Variants in DTWD2 observed in about 807,000 individuals in gnomAD.
The protein encoded by DTWD2 is tRNA-uridine aminocarboxypropyltransferase 2.
A neutral mutation model predicts 31.8 loss-of-function variants in DTWD2; 39 were observed. That is an observed-to-expected ratio of 1.22 (90% CI 0.95 to 1.60). The LOEUF is 1.60. Ranked by LOEUF, DTWD2 falls within the 40% of genes most tolerant of loss-of-function variation. The pLI is 0.00. For synonymous variants in DTWD2, 180 were observed against 142.8 expected (o/e 1.26, Z -1.86); for missense variants, 515 against 381.5 (o/e 1.35, Z -2.92).
At chr5:118,924,816 T>C (rs1753776169) in intron 4 of DTWD2, among the ~76,000 whole-genome samples, 2 of 152,198 alleles carry the variant, frequency 1.3e-5, no homozygotes, top group Non-Finnish European at 2.9e-5. Context: ...GCGGCTATGC[T>C]ATGAAATAGT....
chr5:118,948,090 C>T (rs985925271), intron 1 of DTWD2, among the ~76,000 whole-genome samples: 9 of 152,070 alleles, frequency 5.9e-5, no homozygotes, highest in African/African-American at 2.2e-4. Flanking sequence ...GTTATTGGGG[C>T]AACATAGAGT....
chr5:118,927,768 A>C (rs1367585705), intron 4 of DTWD2, among the ~76,000 whole-genome samples: 1 of 152,138 alleles, frequency 6.6e-6, no homozygotes, highest in Non-Finnish European at 1.5e-5. Context: ...AGAGAACAGA[A>C]CCAAGTGATT....
intron 4 of DTWD2, among the ~76,000 whole-genome samples, chr5:118,901,775 A>C (rs1242549103): frequency 2.0e-5 from 3 of 152,118 alleles, no homozygotes; most frequent in African/African-American, 7.2e-5. Context: ...GGGAATTATT[A>C]TTATTATTTT....
chr5:118,965,933 TA>T (rs1157656453), intron 1 of DTWD2, among the ~76,000 whole-genome samples: 4 of 108,262 alleles, frequency 3.7e-5, no homozygotes, highest in Non-Finnish European at 4.0e-5. Context: ...GAATGATCAA[TA>T]AAAAAAATAA....
At chr5:118,863,494 G>T (rs908276717) in intron 4 of DTWD2, among the ~76,000 whole-genome samples, 4 of 152,152 alleles carry the variant, frequency 2.6e-5, no homozygotes, top group Admixed American at 1.3e-4. Flanking sequence ...TGAGTCAACT[G>T]CATATCTACT....
At chr5:118,974,809 C>CAA in intron 1 of DTWD2, 4 of 323,486 alleles carry the variant, frequency 1.2e-5, no homozygotes, top group Admixed American at 4.2e-5. Context: ...GTTGTTCTAA[C>CAA]AAAAAAAAAA....
At chr5:118,884,883 C>T (rs1752822642) in intron 4 of DTWD2, among the ~76,000 whole-genome samples, 1 of 150,838 alleles carries the variant, frequency 6.6e-6, no homozygotes, top group Admixed American at 6.6e-5. Context: ...GCAGTCCCAG[C>T]TACTTGGGAG....
chr5:118,854,670 T>A (rs895420536), intron 4 of DTWD2, among the ~76,000 whole-genome samples: 1 of 152,088 alleles, frequency 6.6e-6, no homozygotes, highest in Admixed American at 6.5e-5. Context: ...AAAATGGAGA[T>A]TTATTCTCCC....
intron 1 of DTWD2, among the ~76,000 whole-genome samples, chr5:118,946,856 T>C (rs1754349883): frequency 6.6e-6 from 1 of 152,164 alleles, no homozygotes; most frequent in African/African-American, 2.4e-5. Context: ...TTCTCGTGTC[T>C]CACCCTCCTG....
intron 5 of DTWD2, among the ~76,000 whole-genome samples, chr5:118,841,656 T>TA (rs1462467118): frequency 6.6e-6 from 1 of 152,096 alleles, no homozygotes; most frequent in Non-Finnish European, 1.5e-5. Flanking sequence ...CAAATACCTA[T>TA]AGGCCAGCCA....
At position 118,882,503 on chromosome 5, in the gene DTWD2, T is replaced by C. The variant is rs898322239; in HGVS notation, c.598-34285A>G. Among the ~76,000 whole-genome samples the C allele has an allele frequency of 6.6e-5, 10 of 152,246 alleles. 1 individual carries two copies. Among genetic ancestry groups the C allele is most frequent in the Admixed American group, 2.0e-4 (3 of 15,288 alleles). ...TCTGTGTGGGGGCTCCAAACCCACA[T>C]TTCCCTTCTGCACTGCCTTAGCAGA... On this transcript the variant is annotated intron_variant, in intron 4 of 5. Transcript: ENST00000510708.
At chr5:118,847,986 C>G in intron 5 of DTWD2, 104 bp downstream of exon 5, 1 of 1,252,688 alleles carries the variant, frequency 8.0e-7, no homozygotes, top group Non-Finnish European at 1.1e-6. Flanking sequence ...ACAGAAGATT[C>G]TACTTGTCAC....
At position 118,836,121 on chromosome 5, in the gene DTWD2, T is replaced by C. The variant is rs1282416633; in HGVS notation, c.*4796A>G. On this transcript the variant is annotated 3_prime_UTR_variant, in exon 6 of 6. Transcript: ENST00000510708. ...TCTTTAATATACTTCTAAGTAACAATAACAGTAAGACATATAGTAAAATTT... is the reference window on the plus strand; with the variant it reads ...TCTTTAATATACTTCTAAGTAACAACAACAGTAAGACATATAGTAAAATTT... Among the ~76,000 whole-genome samples, 1 of 152,174 alleles carries C rather than the reference T, an allele frequency of 6.6e-6. No homozygotes were observed. Among genetic ancestry groups the C allele is most frequent in the Non-Finnish European group, 1.5e-5 (1 of 68,016 alleles).
At chr5:118,931,664 C>T (rs1193068215) in intron 3 of DTWD2, among the ~76,000 whole-genome samples, 1 of 152,114 alleles carries the variant, frequency 6.6e-6, no homozygotes, top group Non-Finnish European at 1.5e-5. Flanking sequence ...ACAACCTTGT[C>T]AGTAACTGGT....
chr5:118,882,452 C>A (rs1752762165), intron 4 of DTWD2, among the ~76,000 whole-genome samples: 1 of 152,214 alleles, frequency 6.6e-6, no homozygotes, highest in Non-Finnish European at 1.5e-5. Flanking sequence ...TTTCAGAGCT[C>A]CACTAGGCAG....
chr5:118,946,899 T>C (rs981202609), intron 1 of DTWD2, among the ~76,000 whole-genome samples: 5 of 152,094 alleles, frequency 3.3e-5, no homozygotes, highest in Admixed American at 6.5e-5. Context: ...CATCACCATG[T>C]CCAGCTAATT....
In DTWD2 at chr5:118,899,404, T is replaced by C. The variant is rs140900793; in HGVS notation, c.597+29133A>G. 2.3e-3 allele frequency among the ~76,000 whole-genome samples: 354 copies of C among 152,326 alleles called. 3 individuals are homozygous for C. Among genetic ancestry groups the C allele is most frequent in the African/African-American group, 7.8e-3 (324 of 41,574 alleles). On this transcript the variant is annotated intron_variant, in intron 4 of 5. Transcript: ENST00000510708. ...GGTTAACTAAAATGCAATCAAAGGC[T>C]AGTAGGAACCTAATCCTGTATTTTC...
intron 4 of DTWD2, among the ~76,000 whole-genome samples, chr5:118,902,558 G>A (rs1753235383): frequency 6.6e-6 from 1 of 151,932 alleles, no homozygotes; most frequent in South Asian, 2.1e-4. Flanking sequence ...ATCTCAATGG[G>A]TTTTCTTTAT....
In DTWD2 at chr5:118,848,132, A is replaced by T. The variant is rs780749826; in HGVS notation, c.684T>A (p.Ala228=). 8 of 1,601,768 alleles carry T rather than the reference A, an allele frequency of 5.0e-6. No individual in the cohort carries two copies. The South Asian group carries it at 9.0e-5, about 18-fold the overall frequency. The change falls in exon 5 of 6, where the codon GCT becomes GCA. Residue 228 remains alanine, a synonymous_variant. Transcript: ENST00000510708. ...TTTTCTCCAAGATGGAAAGAGCAAC[A>T]GCTGCACACTCCAGTGTAGAAAGGC... ...NRCLSTLECA[A]VALSILEKNN...
Sources: gnomAD v4.1 joint callset for allele counts (sites outside exome capture counted in the v4.1 genomes callset) on GRCh38, gnomAD v4.1.1 for gene constraint, MANE v1.5 for transcripts, NCBI Gene and HGNC (gene_info 2026-07-23, HGNC 2026-07-21) for gene names.